CALN1: variants seen among roughly 807,000 people sequenced by gnomAD.
CALN1 encodes the protein calcium-binding protein 8.
CALN1 carries 17 observed loss-of-function variants against 30.6 expected under a neutral mutation model. That is an observed-to-expected ratio of 0.56 (90% CI 0.38 to 0.83). The LOEUF is 0.83. Ranked by LOEUF, CALN1 falls within the 40% of genes least tolerant of loss-of-function variation. The pLI is 0.00. For missense variants in CALN1, 291 were observed against 354.9 expected (o/e 0.82, Z 1.45); for synonymous variants, 156 against 131.4 (o/e 1.19, Z -1.28).
rs996033861 is a variant in CALN1, at chr7:72,323,669, A to AT, written c.120-44860_120-44859insA. ...AGAGCGAGACTCCATCTCAAAAAAA[A>AT]AAAAATAAAAAATAAAGAGAACAAA... On this transcript the variant is annotated intron_variant, in intron 2 of 6. Coordinates refer to ENST00000395275, the MANE Select transcript of CALN1 (RefSeq NM_031468.4). Among the ~76,000 whole-genome samples, 31 of 150,882 alleles carry AT rather than the reference A, an allele frequency of 2.1e-4. No homozygotes were observed. In the South Asian group the frequency reaches 2.1e-3, roughly 10 times the overall value.
At chr7:72,359,323 C>G (rs1803419792) in intron 2 of CALN1, among the ~76,000 whole-genome samples, 1 of 152,152 alleles carries the variant, frequency 6.6e-6, no homozygotes, top group African/African-American at 2.4e-5. Flanking sequence ...TATTCAATAA[C>G]ACATCTCCCT....
chr7:72,028,187 TGGCAAAACCCA>T (rs1801213313), intron 4 of CALN1, among the ~76,000 whole-genome samples: 4 of 151,568 alleles, frequency 2.6e-5, no homozygotes, highest in Admixed American at 2.6e-4. Context: ...TTACGAGATG[TGGCAAAACCCA>T]TGCTTGCCAG....
chr7:72,351,198 G>C (rs1485559675), intron 2 of CALN1, among the ~76,000 whole-genome samples: 2 of 151,980 alleles, frequency 1.3e-5, no homozygotes, highest in Admixed American at 1.3e-4. Context: ...GAGTTTTTCA[G>C]ATAAACAGTA....
intron 3 of CALN1, among the ~76,000 whole-genome samples, chr7:72,216,637 C>A (rs1021578163): frequency 1.3e-5 from 2 of 151,992 alleles, no homozygotes; most frequent in Admixed American, 1.3e-4. Flanking sequence ...CTCCTGAGTT[C>A]TAGACATAGA....
chr7:72,082,450 G>A (rs957988579), intron 4 of CALN1, among the ~76,000 whole-genome samples: 1 of 152,160 alleles, frequency 6.6e-6, no homozygotes, highest in African/African-American at 2.4e-5. Flanking sequence ...AAATCCCTCT[G>A]AGACCCTCCC....
At chr7:72,308,988 G>A (rs910479552) in intron 2 of CALN1, among the ~76,000 whole-genome samples, 2 of 152,206 alleles carry the variant, frequency 1.3e-5, no homozygotes, top group Admixed American at 6.5e-5. Flanking sequence ...GCAATGTTAA[G>A]TAATGTCTCA....
chr7:72,301,598 G>A (rs867478203), intron 2 of CALN1, among the ~76,000 whole-genome samples: 1 of 100,062 alleles, frequency 1.0e-5, no homozygotes, highest in African/African-American at 4.0e-5. Flanking sequence ...ACAGAGCAAA[G>A]ACTTTGTCTC....
intron 4 of CALN1, among the ~76,000 whole-genome samples, chr7:72,071,143 G>A (rs1015108264): frequency 1.3e-5 from 2 of 152,156 alleles, no homozygotes; most frequent in African/African-American, 2.4e-5. Flanking sequence ...CACAGTAGCC[G>A]CTACCCATCC....
At chr7:71,922,914 A>C (rs902603677) in intron 5 of CALN1, among the ~76,000 whole-genome samples, 3 of 146,428 alleles carry the variant, frequency 2.0e-5, no homozygotes, top group African/African-American at 7.5e-5. Flanking sequence ...ATTTGTATAT[A>C]AGCATATACA....
At chr7:72,224,131 C>T (rs1585205536) in intron 3 of CALN1, among the ~76,000 whole-genome samples, 1 of 152,082 alleles carries the variant, frequency 6.6e-6, no homozygotes, top group Non-Finnish European at 1.5e-5. Context: ...CATTATCACA[C>T]AATATACCCT....
chr7:72,473,249 C>T, the CALN1 span, among the ~76,000 whole-genome samples: 2 of 152,042 alleles, frequency 1.3e-5, no homozygotes, highest in African/African-American at 2.4e-5. Context: ...CCGTGCCCGG[C>T]CCAGCCTGTT....
At chr7:72,363,724 CTTTTT>C (rs66989275) in intron 2 of CALN1, among the ~76,000 whole-genome samples, 4 of 111,862 alleles carry the variant, frequency 3.6e-5, no homozygotes, top group East Asian at 2.6e-4. Context: ...TTAAAAAAAA[CTTTTT>C]TTTTTTTTTT....
rs199527098 is a variant in CALN1, at chr7:72,181,096, A to ACCCCCCCCC, written c.245-74811_245-74803dup. Among the ~76,000 whole-genome samples the ACCCCCCCCC allele has an allele frequency of 3.1e-4, 23 of 74,612 alleles. 1 individual carries two copies. Among genetic ancestry groups the ACCCCCCCCC allele is most frequent in the East Asian group, 2.1e-3 (4 of 1,886 alleles). The allele number at this position is 74,612 out of a possible 152,430, so 48.9% of individuals were successfully genotyped here. ...CTGGGCAACAGAGCGAAACTGCATAACCCCCCCCCCCCCCAAAAAAAAAAA... is the reference window on the plus strand; with the variant it reads ...CTGGGCAACAGAGCGAAACTGCATAACCCCCCCCCCCCCCCCCCCCCCCAAAAAAAAAAA... On this transcript the variant is annotated intron_variant, in intron 3 of 6. Transcript: ENST00000395275.
rs1480333254 is a variant in CALN1, at chr7:71,810,357, A to T, written c.637T>A (p.Cys213Ser). Residue 213 changes from cysteine (C) to serine (S), a missense_variant, in exon 6 of 7, where the codon TGC becomes AGC. Cys to Ser is a moderately radical substitution (Grantham distance 112). Around this residue, in one of 2 missense-constraint regions of CALN1, gnomAD observed 169 missense variants for 251.7 expected, o/e 0.67. Coordinates refer to ENST00000395275, the MANE Select transcript of CALN1 (RefSeq NM_031468.4). ...EESLNETSGNCQTEFEGVHSQ... is the reference protein window; with the variant it reads ...EESLNETSGNSQTEFEGVHSQ... ...CTACCTCCTTCAAACTCTGTTTGGCAGTTCCCCGAGGTCTCATTCAGGCTC... is the reference window on the plus strand; with the variant it reads ...CTACCTCCTTCAAACTCTGTTTGGCTGTTCCCCGAGGTCTCATTCAGGCTC... 1.2e-6 allele frequency: 2 copies of T among 1,614,032 alleles called. No individual in the cohort carries two copies. Among genetic ancestry groups the T allele is most frequent in the South Asian group, 2.2e-5 (2 of 91,038 alleles).
intron 5 of CALN1, among the ~76,000 whole-genome samples, chr7:71,978,913 C>G (rs902468626): frequency 2.0e-5 from 3 of 152,176 alleles, no homozygotes; most frequent in Non-Finnish European, 4.4e-5. Context: ...TTCTGTATGT[C>G]TTATAAGCAC....
intron 5 of CALN1, among the ~76,000 whole-genome samples, chr7:71,842,313 C>G (rs1026407489): frequency 6.6e-6 from 1 of 152,188 alleles, no homozygotes; most frequent in Admixed American, 6.5e-5. Context: ...AAGTGAGGAC[C>G]CTGCTTTGTC....
intron 5 of CALN1, 73 bp from the exon 6 acceptor site, chr7:71,810,565 C>G: frequency 6.7e-7 from 1 of 1,488,406 alleles, no homozygotes; most frequent in Non-Finnish European, 9.2e-7. Flanking sequence ...CATGACAGGC[C>G]AGACCCACAG....
At chr7:71,838,841 A>G (rs1018199185) in intron 5 of CALN1, among the ~76,000 whole-genome samples, 2 of 152,076 alleles carry the variant, frequency 1.3e-5, no homozygotes, top group Non-Finnish European at 2.9e-5. Flanking sequence ...TCCTTCTGCC[A>G]TGATTGTAAG....
chr7:72,420,528 A>G (rs950949268), intron 1 of CALN1, among the ~76,000 whole-genome samples: 1 of 151,600 alleles, frequency 6.6e-6, no homozygotes, highest in Non-Finnish European at 1.5e-5. Context: ...TCAGGTCATG[A>G]GAAATCACCT....
Sources: gnomAD v4.1 joint callset for allele counts (sites outside exome capture counted in the v4.1 genomes callset) on GRCh38, gnomAD v4.1.1 for gene constraint, gnomAD v4.1.1 regional missense constraint, MANE v1.5 for transcripts, NCBI Gene and HGNC (gene_info 2026-07-23, HGNC 2026-07-21) for gene names.